NKX6-1: variants seen among roughly 807,000 people sequenced by gnomAD.
The protein encoded by NKX6-1 is homeobox protein Nkx-6.1.
Under a neutral mutation model 24.9 loss-of-function variants are expected in NKX6-1, and 11 were observed. The observed-to-expected ratio is 0.44, with a 90% CI of 0.28 to 0.73. The LOEUF (loss-of-function observed/expected upper bound fraction) is 0.73. Ranked by LOEUF, NKX6-1 falls within the 30% of genes least tolerant of loss-of-function variation. The probability of loss-of-function intolerance (pLI) is 0.15; values close to 1 mark genes in which losing one functional copy is unlikely to be tolerated. For missense variants in NKX6-1, 487 were observed against 502.9 expected (o/e 0.97, Z 0.30); for synonymous variants, 277 against 242.9 (o/e 1.14, Z -1.31).
rs1341875097 is a variant in NKX6-1, at chr4:84,493,770, C to T, written c.844-221G>A. On this transcript the variant is annotated intron_variant, in intron 2 of 2. Coordinates refer to ENST00000295886, the MANE Select transcript of NKX6-1 (RefSeq NM_006168.3). The surrounding 1 kb of genome is among the most constrained non-coding windows in gnomAD (Gnocchi z 5.1). ...GGCACCAACAAACTGACTGCCGTTG[C>T]CATAGCGATGGTAACACAAGAGTAT... 6.6e-6 allele frequency among the ~76,000 whole-genome samples: 1 copy of T among 152,156 alleles called. No individual in the cohort carries two copies. Among genetic ancestry groups the T allele is most frequent in the Non-Finnish European group, 1.5e-5 (1 of 68,032 alleles).
rs571555139 is a variant in NKX6-1, at chr4:84,499,194, C to T, written c.-966G>A. On this transcript the variant is annotated 5_prime_UTR_variant, in exon 1 of 3. Transcript: ENST00000295886. ...AGGCTTCGGTCTTCTAAGTCCTGTC[C>T]TCTGGCCAAACTGACCCTCTCCGCG... Among the ~76,000 whole-genome samples the T allele has an allele frequency of 6.6e-6, 1 of 152,298 alleles. No homozygotes were observed. The highest frequency in any genetic ancestry group is 2.4e-5 in the African/African-American group (1 of 41,554).
Position 84,498,433 on chromosome 4 carries a change from G to T in NKX6-1, c.-205C>A, listed in dbSNP as rs1209070381. The T allele has an allele frequency of 2.1e-6, 1 of 472,152 alleles. No individual in the cohort carries two copies. Among genetic ancestry groups the T allele is most frequent in the Non-Finnish European group, 3.4e-6 (1 of 294,762 alleles). 29.2% of individuals were successfully genotyped at this position (472,152 alleles called of 1,614,324 possible). On this transcript the variant is annotated 5_prime_UTR_variant, in exon 1 of 3. Coordinates refer to ENST00000295886, the MANE Select transcript of NKX6-1 (RefSeq NM_006168.3). ...GCAGAGATGTCCAAACCCTCCACGC[G>T]GGAGGCGGCAGCTCGCCGAGAAAAG...
Position 84,497,788 on chromosome 4 carries a change from T to TGCGGCCGCGGCA in NKX6-1, c.429_440dup (p.Ala147_Ala150dup), listed in dbSNP as rs1553928382. ...GCCCCGCCGGGGATGAGGCGGCGGC[T>TGCGGCCGCGGCA]GCGGCCGCGGCAGCAGCCGCGGCGG... On this transcript the variant is annotated inframe_insertion, in exon 1 of 3. Transcript: ENST00000295886. The surrounding 1 kb of genome is among the most constrained non-coding windows in gnomAD (Gnocchi z 4.8). 7.9e-6 allele frequency: 10 copies of TGCGGCCGCGGCA among 1,271,024 alleles called. No individual in the cohort carries two copies. The highest frequency in any genetic ancestry group is 7.9e-6 in the Non-Finnish European group (8 of 1,012,300). The allele number at this position is 1,271,024 out of a possible 1,614,324, so 78.7% of individuals were successfully genotyped here. A position where few individuals can be genotyped will look rare whatever the true frequency, so the allele number is the denominator to read the frequency against.
In NKX6-1 at chr4:84,493,371, T is replaced by C; in HGVS notation, c.1022A>G (p.Gln341Arg). Reference sequence around the variant, plus strand: ...GCTGGACTTGTGCTTCTTCAACAGCTGCGTGATTTTCTCGTCGTCCGAGTT... The same window carrying C: ...GCTGGACTTGTGCTTCTTCAACAGCCGCGTGATTTTCTCGTCGTCCGAGTT... ...DPNSDDEKIT[Q>R]LLKKHKSSSG... Residue 341 changes from glutamine (Q) to arginine (R), a missense_variant, in exon 3 of 3, where the codon CAG becomes CGG. Around this residue, in one of 3 missense-constraint regions of NKX6-1, gnomAD observed 126 missense variants for 105.5 expected, o/e 1.19. Coordinates refer to ENST00000295886, the MANE Select transcript of NKX6-1 (RefSeq NM_006168.3). This position sits in a 1 kb window ranked among gnomAD's most constrained non-coding sequence, Gnocchi z 5.1. 1.2e-6 allele frequency: 2 copies of C among 1,613,754 alleles called. No homozygotes were observed. Among genetic ancestry groups the C allele is most frequent in the South Asian group, 2.2e-5 (2 of 91,070 alleles).
chr4:84,493,209 C>A lies in NKX6-1; in HGVS notation c.*80G>T, dbSNP rs778796223. 78 of 1,301,566 alleles carry A rather than the reference C, an allele frequency of 6.0e-5. No homozygotes were observed. Among genetic ancestry groups the A allele is most frequent in the Non-Finnish European group, 6.8e-5 (69 of 1,012,504 alleles). 80.6% of individuals were successfully genotyped at this position (1,301,566 alleles called of 1,614,324 possible). On this transcript the variant is annotated 3_prime_UTR_variant, in exon 3 of 3. Transcript: ENST00000295886. The surrounding 1 kb of genome is among the most constrained non-coding windows in gnomAD (Gnocchi z 5.1). ...CCGGGCCCCGAGGAGCGGGCAGGCGCGGCGTGCACGCGGTCCCCGCGCCCC... is the reference window on the plus strand; with the variant it reads ...CCGGGCCCCGAGGAGCGGGCAGGCGAGGCGTGCACGCGGTCCCCGCGCCCC...
Position 84,498,558 on chromosome 4 carries a change from C to A in NKX6-1, c.-330G>T. The A allele has an allele frequency of 3.3e-6, 1 of 305,620 alleles. No homozygotes were observed. The highest frequency in any genetic ancestry group is 6.0e-6 in the Non-Finnish European group (1 of 167,292). 18.9% of individuals were successfully genotyped at this position (305,620 alleles called of 1,614,324 possible). On this transcript the variant is annotated 5_prime_UTR_variant, in exon 1 of 3. Coordinates refer to ENST00000295886, the MANE Select transcript of NKX6-1 (RefSeq NM_006168.3). ...TCACTTTTCCTAGCTGTTCAAAGTGCGCTACTTCTCATCTTCTGCCCCCGG... is the reference window on the plus strand; with the variant it reads ...TCACTTTTCCTAGCTGTTCAAAGTGAGCTACTTCTCATCTTCTGCCCCCGG...
At position 84,493,230 on chromosome 4, in the gene NKX6-1, G is replaced by T; in HGVS notation, c.*59C>A. The stretch of plus-strand genomic sequence containing the variant: ...GGCGCGGCGTGCACGCGGTCCCCGC[G>T]CCCCTCGCGGCCCCAGAGGTGGAGG... On this transcript the variant is annotated 3_prime_UTR_variant, in exon 3 of 3. Coordinates refer to ENST00000295886, the MANE Select transcript of NKX6-1 (RefSeq NM_006168.3). This position sits in a 1 kb window ranked among gnomAD's most constrained non-coding sequence, Gnocchi z 5.1. The T allele has an allele frequency of 7.1e-6, 10 of 1,408,556 alleles. 2 individuals are homozygous for T. In the South Asian group the frequency reaches 1.6e-4, roughly 23 times the overall value. 87.3% of individuals were successfully genotyped at this position (1,408,556 alleles called of 1,614,324 possible). A position where few individuals can be genotyped will look rare whatever the true frequency, so the allele number is the denominator to read the frequency against.
chr4:84,497,687 G>T lies in NKX6-1; in HGVS notation c.542C>A (p.Ala181Asp). ...PPPGLYFSPSAAAVAAVGRYP... is the reference protein window; with the variant it reads ...PPPGLYFSPSDAAVAAVGRYP... ...CCGGCCCACGGCGGCCACGGCCGCG[G>T]CGCTGGGGCTGAAGTAGAGCCCGGG... The change falls in exon 1 of 3, where the codon GCC (alanine) becomes GAC (aspartate). Residue 181 changes from alanine (A) to aspartate (D), a missense_variant. By Grantham distance (126) the Ala-to-Asp change is moderately radical (BLOSUM62 -2). Coordinates refer to ENST00000295886, the MANE Select transcript of NKX6-1 (RefSeq NM_006168.3). This position sits in a 1 kb window ranked among gnomAD's most constrained non-coding sequence, Gnocchi z 4.8. 1 of 1,272,552 alleles carries T rather than the reference G, an allele frequency of 7.9e-7. No homozygotes were observed. The highest frequency in any genetic ancestry group is 9.9e-7 in the Non-Finnish European group (1 of 1,005,640). 78.8% of individuals were successfully genotyped at this position (1,272,552 alleles called of 1,614,324 possible).
At chr4:84,495,968 G>A in intron 1 of NKX6-1, 124 bp from the exon 2 acceptor site, 1 of 945,594 alleles carries the variant, frequency 1.1e-6, no homozygotes, top group Non-Finnish European at 1.6e-6. Flanking sequence ...GTCTGTGGCG[G>A]ACACCAGAAG....
chr4:84,497,859 A>G lies in NKX6-1; in HGVS notation c.370T>C (p.Ser124Pro). 1 of 1,276,556 alleles carries G rather than the reference A, an allele frequency of 7.8e-7. No homozygotes were observed. Among genetic ancestry groups the G allele is most frequent in the Non-Finnish European group, 9.9e-7 (1 of 1,014,312 alleles). The allele number at this position is 1,276,556 out of a possible 1,614,324, so 79.1% of individuals were successfully genotyped here. A position where few individuals can be genotyped will look rare whatever the true frequency, so the allele number is the denominator to read the frequency against. ...ALPSASPSGSSSSSSSSASAS... is the reference protein window; with the variant it reads ...ALPSASPSGSPSSSSSSASAS... ...GAGGCGGACGAGGAAGAGGAGGAGGAGGAACCGGAGGGCGAGGCGGAGGGC... is the reference window on the plus strand; with the variant it reads ...GAGGCGGACGAGGAAGAGGAGGAGGGGGAACCGGAGGGCGAGGCGGAGGGC... The change falls in exon 1 of 3, where the codon TCC (serine) becomes CCC (proline). Residue 124 changes from serine to proline, a missense_variant. Transcript: ENST00000295886. This position sits in a 1 kb window ranked among gnomAD's most constrained non-coding sequence, Gnocchi z 4.8.
intron 1 of NKX6-1, 143 bp from the exon 2 acceptor site, chr4:84,495,987 C>T (rs1259023854): frequency 7.9e-5 from 61 of 771,250 alleles, no homozygotes; most frequent in Non-Finnish European, 1.2e-4. Context: ...AGTGTAGTGG[C>T]GCTTCCAGAC....
At position 84,498,336 on chromosome 4, in the gene NKX6-1, C is replaced by A. The variant is rs1444908378; in HGVS notation, c.-108G>T. The stretch of plus-strand genomic sequence containing the variant: ...CCGAGGGCGCGAGCGGAGAGGCACT[C>A]GGCGCGCCCGGAGGCGAGCTGCCAA... On this transcript the variant is annotated 5_prime_UTR_variant, in exon 1 of 3. Coordinates refer to ENST00000295886, the MANE Select transcript of NKX6-1 (RefSeq NM_006168.3). 3.3e-6 allele frequency: 4 copies of A among 1,201,000 alleles called. No homozygotes were observed. The highest frequency in any genetic ancestry group is 4.0e-5 in the South Asian group (1 of 24,892). The allele number at this position is 1,201,000 out of a possible 1,614,324, so 74.4% of individuals were successfully genotyped here. A position where few individuals can be genotyped will look rare whatever the true frequency, so the allele number is the denominator to read the frequency against.
intron 1 of NKX6-1, chr4:84,496,984 G>A (rs931554542): frequency 2.6e-5 from 4 of 152,466 alleles, no homozygotes; most frequent in Non-Finnish European, 5.9e-5. Flanking sequence ...CGGGCGGCGA[G>A]GGCGAAGAGG....
rs1257768226 is a variant in NKX6-1 at position 84,494,157 on chromosome 4, C to T, written c.844-608G>A. ...AAAATATCCTCCCAGTTTTTACTTGCAATGTATGGTGCACTTCAAAAAAAA... is the reference window on the plus strand; with the variant it reads ...AAAATATCCTCCCAGTTTTTACTTGTAATGTATGGTGCACTTCAAAAAAAA... On this transcript the variant is annotated intron_variant, in intron 2 of 2. Transcript: ENST00000295886. Among the ~76,000 whole-genome samples, 11 of 124,682 alleles carry T rather than the reference C, an allele frequency of 8.8e-5. No individual in the cohort carries two copies. The East Asian group carries it at 2.3e-3, about 26-fold the overall frequency. 81.8% of individuals were successfully genotyped at this position (124,682 alleles called of 152,430 possible). A position where few individuals can be genotyped will look rare whatever the true frequency, so the allele number is the denominator to read the frequency against.
rs1203752190 is a variant in NKX6-1, at chr4:84,493,423, C to A, written c.970G>T (p.Asp324Tyr). Residue 324 changes from aspartate (D) to tyrosine (Y), a missense_variant, in exon 3 of 3, where the codon GAC (aspartate) becomes TAC (tyrosine). This residue lies in a region of NKX6-1 where 126 missense variants were observed against 105.5 expected (regional missense o/e 1.19). Transcript: ENST00000295886. This position sits in a 1 kb window ranked among gnomAD's most constrained non-coding sequence, Gnocchi z 5.1. ...GGATCCAGAGGCTTATTGTAGTCGT[C>A]GTCCTCTTCCTCGTTCTCCGAGGCC... ...KGASENEEED[D>Y]DYNKPLDPNS... 1.1e-5 allele frequency: 17 copies of A among 1,614,268 alleles called. No individual in the cohort carries two copies. Among genetic ancestry groups the A allele is most frequent in the Non-Finnish European group, 1.4e-5 (17 of 1,180,048 alleles).
chr4:84,494,636 T>TA (rs1315550031), intron 2 of NKX6-1, among the ~76,000 whole-genome samples: 2 of 152,194 alleles, frequency 1.3e-5, no homozygotes, highest in Non-Finnish European at 2.9e-5. Context: ...GTAGGCTCTG[T>TA]ACCAACCTAC....
chr4:84,497,872 C>A lies in NKX6-1; in HGVS notation c.357G>T (p.Ser119=). 1 of 1,278,960 alleles carries A rather than the reference C, an allele frequency of 7.8e-7. No homozygotes were observed. The allele number at this position is 1,278,960 out of a possible 1,614,324, so 79.2% of individuals were successfully genotyped here. A position where few individuals can be genotyped will look rare whatever the true frequency, so the allele number is the denominator to read the frequency against. ...AAGAGGAGGAGGAGGAACCGGAGGG[C>A]GAGGCGGAGGGCAGGGCGGCCCCCG... The part of the protein sequence containing the change: ...VASGAALPSA[S]PSGSSSSSSS... The change falls in exon 1 of 3, where the codon TCG becomes TCT. Residue 119 remains serine, a synonymous_variant. Coordinates refer to ENST00000295886, the MANE Select transcript of NKX6-1 (RefSeq NM_006168.3). The surrounding 1 kb of genome is among the most constrained non-coding windows in gnomAD (Gnocchi z 4.8).
Position 84,498,820 on chromosome 4 carries a change from C to T in NKX6-1, c.-592G>A, listed in dbSNP as rs3806750. Among the ~76,000 whole-genome samples the T allele has an allele frequency of 0.26, 40,148 of 152,092 alleles. 5,959 individuals are homozygous for T. Among genetic ancestry groups the T allele is most frequent in the Middle Eastern group, 0.39 (116 of 294 alleles). On this transcript the variant is annotated 5_prime_UTR_variant, in exon 1 of 3. Transcript: ENST00000295886. Reference sequence around the variant, plus strand: ...GCCCGGGGAGAAAGCGCATCCAGCCCGCGGGAGATCTAGCCTCTGTGCGGG... The same window carrying T: ...GCCCGGGGAGAAAGCGCATCCAGCCTGCGGGAGATCTAGCCTCTGTGCGGG...
At position 84,497,457 on chromosome 4, in the gene NKX6-1, CCACAGGATGGACTGAGCGG is replaced by C. The variant is rs1720843094; in HGVS notation, c.670+83_670+101del. The C allele has an allele frequency of 1.6e-6, 2 of 1,243,910 alleles. No homozygotes were observed. The highest frequency in any genetic ancestry group is 8.4e-5 in the Admixed American group (2 of 23,672). 77.1% of individuals were successfully genotyped at this position (1,243,910 alleles called of 1,614,324 possible). ...GGCGCTGTCAAACTACTGGGGCGGG[CCACAGGATGGACTGAGCGG>C]CATGCACACCAGGGGCCGCGACCCG... On this transcript the variant is annotated intron_variant, in intron 1 of 2. Coordinates refer to ENST00000295886, the MANE Select transcript of NKX6-1 (RefSeq NM_006168.3). The surrounding 1 kb of genome is among the most constrained non-coding windows in gnomAD (Gnocchi z 4.8).
Sources: gnomAD v4.1 joint callset for allele counts (sites outside exome capture counted in the v4.1 genomes callset) on GRCh38, gnomAD v4.1.1 for gene constraint, gnomAD v4.1.1 regional missense constraint, Gnocchi (gnomAD v3.1) non-coding constraint, MANE v1.5 for transcripts, NCBI Gene and HGNC (gene_info 2026-07-23, HGNC 2026-07-21) for gene names.